Variants in SLC4A4 observed in about 807,000 individuals in gnomAD.
SLC4A4 encodes electrogenic sodium bicarbonate cotransporter 1.
Under a neutral mutation model 111.5 loss-of-function variants are expected in SLC4A4, and 27 were observed. The ratio of observed to expected loss-of-function variants is 0.24; its 90% confidence interval spans 0.18 to 0.33. The LOEUF (loss-of-function observed/expected upper bound fraction) is 0.33, where lower values mean the gene tolerates loss of function less well. SLC4A4 is among the 10% of genes least tolerant of loss of function. The pLI is 1.00. For synonymous variants in SLC4A4, 443 were observed against 463.4 expected (o/e 0.96, Z 0.57); for missense variants, 909 against 1,315.5 (o/e 0.69, Z 4.78).
chr4:71,229,278 T>C (rs1719244532), intron 1 of SLC4A4, among the ~76,000 whole-genome samples: 1 of 152,208 alleles, frequency 6.6e-6, no homozygotes, highest in Non-Finnish European at 1.5e-5. Flanking sequence ...ATGGTATGGA[T>C]GTACCATAGT....
chr4:71,550,097 T>G (rs188797380), intron 20 of SLC4A4, among the ~76,000 whole-genome samples: 1 of 152,018 alleles, frequency 6.6e-6, no homozygotes, highest in Non-Finnish European at 1.5e-5. Context: ...AAGTAGTCAT[T>G]GTAAGAATAA....
intron 1 of SLC4A4, among the ~76,000 whole-genome samples, chr4:71,063,817 A>G (rs982263759): frequency 2.0e-5 from 3 of 152,172 alleles, no homozygotes. Flanking sequence ...GCTCTATTTA[A>G]TTTGTGATTG....
intron 2 of SLC4A4, among the ~76,000 whole-genome samples, chr4:71,248,611 T>A (rs1163376074): frequency 6.6e-6 from 1 of 152,124 alleles, no homozygotes; most frequent in African/African-American, 2.4e-5. Flanking sequence ...TTCCTTAAGG[T>A]AGATTCCTGA....
intron 12 of SLC4A4, 151 bp downstream of exon 12, chr4:71,453,820 C>A: frequency 1.4e-6 from 1 of 728,406 alleles, no homozygotes; most frequent in Non-Finnish European, 2.4e-6. Flanking sequence ...TTCTGGCCTG[C>A]TGCTGTATTT....
chr4:71,104,070 T>TA (rs1742842285), intron 2 of SLC4A4, among the ~76,000 whole-genome samples: 2 of 56,402 alleles, frequency 3.5e-5, no homozygotes, highest in Non-Finnish European at 3.6e-5. Context: ...ATAGACACAA[T>TA]AAAAAATGAT....
At chr4:71,205,694 A>T (rs1237585676) in intron 1 of SLC4A4, among the ~76,000 whole-genome samples, 3 of 152,034 alleles carry the variant, frequency 2.0e-5, no homozygotes, top group Non-Finnish European at 4.4e-5. Flanking sequence ...CTAGCTATTG[A>T]CTCCTCCAAA....
intron 20 of SLC4A4, among the ~76,000 whole-genome samples, chr4:71,554,480 T>G (rs1736292265): frequency 2.0e-5 from 3 of 151,824 alleles, no homozygotes; most frequent in Non-Finnish European, 4.4e-5. Context: ...ATATAAAATA[T>G]TTTTTGCTAA....
intron 3 of SLC4A4, among the ~76,000 whole-genome samples, chr4:71,316,594 C>T (rs3911269): frequency 0.078 from 11,801 of 152,016 alleles, 792 homozygotes; most frequent in Admixed American, 0.22. Context: ...GTGCCAAATG[C>T]GCAAGTTTGT....
intron 6 of SLC4A4, among the ~76,000 whole-genome samples, chr4:71,392,399 C>A (rs1242253184): frequency 6.6e-6 from 1 of 151,970 alleles, no homozygotes; most frequent in East Asian, 1.9e-4. Flanking sequence ...TCTGGCGATA[C>A]CCCTCCAACG....
Position 71,339,388 on chromosome 4 carries a change from G to T in SLC4A4, c.272G>T (p.Arg91Leu), listed in dbSNP as rs746761566. The change falls in exon 4 of 26, where the codon CGC (arginine) becomes CTC (leucine). Residue 91 changes from arginine to leucine, a missense_variant. Transcript: ENST00000264485. ...TCTGCAGTCTCTCCTGCTGCAGAACGCATCCGATTCATCTTGGGAGAGGAG... is the reference window on the plus strand; with the variant it reads ...TCTGCAGTCTCTCCTGCTGCAGAACTCATCCGATTCATCTTGGGAGAGGAG... ...LKPLISPAAE[R>L]IRFILGEEDD... The T allele has an allele frequency of 3.1e-6, 5 of 1,614,136 alleles. No individual in the cohort carries two copies. The highest frequency in any genetic ancestry group is 3.4e-6 in the Non-Finnish European group (4 of 1,180,024).
At chr4:71,158,690 T>C (rs1006869145) in intron 2 of SLC4A4, among the ~76,000 whole-genome samples, 1 of 152,164 alleles carries the variant, frequency 6.6e-6, no homozygotes, top group Admixed American at 6.6e-5. Context: ...TCAATATAGA[T>C]TTTGATTTCC....
chr4:71,423,845 A>G (rs1722806507), intron 7 of SLC4A4, among the ~76,000 whole-genome samples: 3 of 152,222 alleles, frequency 2.0e-5, no homozygotes, highest in South Asian at 4.1e-4. Flanking sequence ...TCAATTCAAG[A>G]TGGATTAAAG....
At chr4:71,430,192 A>T (rs1723511542) in intron 7 of SLC4A4, among the ~76,000 whole-genome samples, 1 of 151,938 alleles carries the variant, frequency 6.6e-6, no homozygotes, top group African/African-American at 2.4e-5. Context: ...TACTTTTTAT[A>T]TGGTATTTAT....
chr4:71,403,885 T>G (rs1322158446), intron 7 of SLC4A4, among the ~76,000 whole-genome samples: 1 of 152,148 alleles, frequency 6.6e-6, no homozygotes, highest in Non-Finnish European at 1.5e-5. Flanking sequence ...TATTAAGTAT[T>G]GTATGAATAT....
At chr4:71,179,499 C>T (rs890460107) in intron 2 of SLC4A4, among the ~76,000 whole-genome samples, 2 of 152,140 alleles carry the variant, frequency 1.3e-5, no homozygotes, top group African/African-American at 4.8e-5. Context: ...TAAGCAACTT[C>T]AGCAAAGTCT....
At chr4:71,227,368 A>G (rs933790335) in intron 1 of SLC4A4, among the ~76,000 whole-genome samples, 5 of 152,164 alleles carry the variant, frequency 3.3e-5, no homozygotes, top group African/African-American at 9.7e-5. Context: ...AGGCACTTTA[A>G]AAGGAGAGAT....
chr4:71,292,122 G>A (rs1023151678), intron 3 of SLC4A4, among the ~76,000 whole-genome samples: 1 of 152,032 alleles, frequency 6.6e-6, no homozygotes, highest in Non-Finnish European at 1.5e-5. Flanking sequence ...ATTTATCTTC[G>A]ATTCAACTAA....
intron 2 of SLC4A4, among the ~76,000 whole-genome samples, chr4:71,161,557 T>C (rs887442600): frequency 6.6e-6 from 1 of 152,232 alleles, no homozygotes; most frequent in Non-Finnish European, 1.5e-5. Context: ...TGTGTATTCA[T>C]TTAATATTTA....
chr4:71,532,528 C>T (rs572346029), intron 17 of SLC4A4, among the ~76,000 whole-genome samples: 3 of 152,082 alleles, frequency 2.0e-5, no homozygotes, highest in African/African-American at 7.2e-5. Context: ...TTTTTTGAGA[C>T]AGGGCCTTGC....
Sources: gnomAD v4.1 joint callset for allele counts (sites outside exome capture counted in the v4.1 genomes callset) on GRCh38, gnomAD v4.1.1 for gene constraint, MANE v1.5 for transcripts, NCBI Gene and HGNC (gene_info 2026-07-23, HGNC 2026-07-21) for gene names.